The following FBXL17 variants were observed in gnomAD, a reference collection of about 807,000 sequenced individuals.
FBXL17 encodes F-box and leucine rich repeat protein 17, also known as F-box/LRR-repeat protein 17.
A neutral mutation model predicts 66.2 loss-of-function variants in FBXL17; 22 were observed. That is an observed-to-expected ratio of 0.33 (90% CI 0.24 to 0.47). FBXL17 has a LOEUF of 0.47. Ranked by LOEUF, FBXL17 falls within the 20% of genes least tolerant of loss-of-function variation. FBXL17 has a pLI of 1.00. For synonymous variants in FBXL17, 474 were observed against 400.5 expected (o/e 1.18, Z -2.19); for missense variants, 878 against 948.2 (o/e 0.93, Z 0.97).
chr5:107,883,853 C>T (rs1467599440), intron 7 of FBXL17, among the ~76,000 whole-genome samples: 2 of 152,148 alleles, frequency 1.3e-5, no homozygotes, highest in Non-Finnish European at 2.9e-5. Flanking sequence ...GAAGCCCTCA[C>T]AGAACAGCTG....
At chr5:107,870,272 C>T (rs1349100284) in intron 8 of FBXL17, among the ~76,000 whole-genome samples, 5 of 152,200 alleles carry the variant, frequency 3.3e-5, no homozygotes, top group African/African-American at 2.4e-5. Context: ...GACATGACAC[C>T]TCTGAGCTAG....
intron 7 of FBXL17, among the ~76,000 whole-genome samples, chr5:107,883,257 GA>G (rs1438844717): frequency 6.6e-5 from 10 of 152,288 alleles, no homozygotes; most frequent in Admixed American, 2.6e-4. Context: ...GAGTCACAGA[GA>G]GATTGAATAA....
At chr5:107,952,448 A>C (rs1580240260) in intron 7 of FBXL17, among the ~76,000 whole-genome samples, 1 of 152,226 alleles carries the variant, frequency 6.6e-6, no homozygotes, top group Non-Finnish European at 1.5e-5. Context: ...GTTGGTTAGA[A>C]ATGATGAGTA....
intron 3 of FBXL17, among the ~76,000 whole-genome samples, chr5:108,354,851 GA>G (rs1561548710): frequency 6.6e-6 from 1 of 151,522 alleles, no homozygotes; most frequent in Admixed American, 6.6e-5. Flanking sequence ...ACGCAATCAA[GA>G]AGAAAGTAGA....
intron 7 of FBXL17, among the ~76,000 whole-genome samples, chr5:107,998,762 C>T (rs568835430): frequency 3.2e-4 from 48 of 152,176 alleles, no homozygotes; most frequent in African/African-American, 1.1e-3. Flanking sequence ...AAGCTCTTCC[C>T]AGTGCCATCC....
At chr5:108,166,244 C>T (rs528407785) in intron 6 of FBXL17, among the ~76,000 whole-genome samples, 13 of 152,142 alleles carry the variant, frequency 8.5e-5, no homozygotes, top group Non-Finnish European at 1.6e-4. Flanking sequence ...GAATAAACAG[C>T]ATTAGCATTT....
At chr5:108,106,912 C>T (rs973324028) in intron 6 of FBXL17, among the ~76,000 whole-genome samples, 1 of 151,914 alleles carries the variant, frequency 6.6e-6, no homozygotes, top group Non-Finnish European at 1.5e-5. Context: ...GAATAGTACA[C>T]CTTAAATGGG....
intron 6 of FBXL17, among the ~76,000 whole-genome samples, chr5:108,090,843 T>C (rs1448651287): frequency 1.3e-5 from 2 of 152,196 alleles, no homozygotes; most frequent in African/African-American, 2.4e-5. Context: ...GCACATACCT[T>C]GGAAAGTTAG....
At chr5:107,881,532 T>C (rs1235015209) in intron 7 of FBXL17, among the ~76,000 whole-genome samples, 6 of 152,234 alleles carry the variant, frequency 3.9e-5, no homozygotes, top group African/African-American at 1.4e-4. Context: ...AACTTAATTT[T>C]ACCCAAGATA....
At chr5:108,353,823 C>T (rs746685743) in intron 3 of FBXL17, among the ~76,000 whole-genome samples, 2 of 152,140 alleles carry the variant, frequency 1.3e-5, no homozygotes, top group Non-Finnish European at 2.9e-5. Flanking sequence ...ATATTAAAAC[C>T]TAATCCTAAA....
chr5:108,087,978 C>T (rs1749035768), intron 6 of FBXL17, among the ~76,000 whole-genome samples: 1 of 151,976 alleles, frequency 6.6e-6, no homozygotes, highest in South Asian at 2.1e-4. Flanking sequence ...GGAACAAGAA[C>T]CTTTTTCTTA....
intron 7 of FBXL17, among the ~76,000 whole-genome samples, chr5:107,931,549 G>A (rs1750738443): frequency 7.5e-6 from 1 of 132,990 alleles, no homozygotes; most frequent in African/African-American, 2.6e-5. Context: ...CAGGCATGAG[G>A]CTGAGAATTT....
chr5:108,148,880 AG>A (rs1173624963), intron 6 of FBXL17, among the ~76,000 whole-genome samples: 1 of 152,242 alleles, frequency 6.6e-6, no homozygotes, highest in African/African-American at 2.4e-5. Context: ...ACTATATAAA[AG>A]TATGTCACAA....
intron 7 of FBXL17, among the ~76,000 whole-genome samples, chr5:107,956,189 A>G (rs1046782078): frequency 6.6e-6 from 1 of 152,226 alleles, no homozygotes; most frequent in African/African-American, 2.4e-5. Context: ...GAATGTATAG[A>G]TAATAGAAAT....
chr5:108,129,103 G>C (rs569812026), intron 6 of FBXL17, among the ~76,000 whole-genome samples: 5 of 152,114 alleles, frequency 3.3e-5, no homozygotes, highest in Non-Finnish European at 7.4e-5. Context: ...ACTATCATTA[G>C]TGGAAAATCT....
intron 7 of FBXL17, among the ~76,000 whole-genome samples, chr5:107,942,567 C>T (rs1751142728): frequency 6.6e-6 from 1 of 152,120 alleles, no homozygotes; most frequent in African/African-American, 2.4e-5. Context: ...AGAACCAGGA[C>T]ATTTGGCTGG....
At position 108,322,950 on chromosome 5, in the gene FBXL17, C is replaced by T. The variant is rs1421854418; in HGVS notation, c.1506+25449G>A. ...GTATAATGTGTACATTGGATGTGAC[C>T]AACAGTGCTCAACAAAAACTGACAG... is the stretch of plus-strand genomic sequence containing the variant. On this transcript the variant is annotated intron_variant, in intron 4 of 8. Coordinates refer to ENST00000542267, the MANE Select transcript of FBXL17 (RefSeq NM_001163315.3). Among the ~76,000 whole-genome samples the T allele has an allele frequency of 4.0e-5, 6 of 151,854 alleles. No homozygotes were observed. The East Asian group carries it at 9.7e-4, about 24-fold the overall frequency.
chr5:108,193,988 T>C (rs565477919), intron 5 of FBXL17, among the ~76,000 whole-genome samples: 1 of 152,282 alleles, frequency 6.6e-6, no homozygotes, highest in African/African-American at 2.4e-5. Flanking sequence ...AGCTGTCCCT[T>C]CTAACTCCTT....
chr5:108,152,898 G>C (rs1374102910), intron 6 of FBXL17, among the ~76,000 whole-genome samples: 1 of 152,184 alleles, frequency 6.6e-6, no homozygotes, highest in Non-Finnish European at 1.5e-5. Context: ...CCCAAATCTA[G>C]AATTGTAGCT....
Sources: gnomAD v4.1 joint callset for allele counts (sites outside exome capture counted in the v4.1 genomes callset) on GRCh38, gnomAD v4.1.1 for gene constraint, MANE v1.5 for transcripts, NCBI Gene and HGNC (gene_info 2026-07-23, HGNC 2026-07-21) for gene names.